The following MCF2L2 variants were observed in gnomAD, a reference collection of about 807,000 sequenced individuals.
The protein encoded by MCF2L2 is probable guanine nucleotide exchange factor MCF2L2.
Under a neutral mutation model 150.2 loss-of-function variants are expected in MCF2L2, and 102 were observed. The ratio of observed to expected loss-of-function variants is 0.68; its 90% CI spans 0.58 to 0.80. The LOEUF is 0.80. Among genes scored for constraint, MCF2L2 ranks in the 30% least tolerant of loss-of-function variants. The probability of loss-of-function intolerance (pLI) is 0.00; values close to 1 mark genes in which losing one functional copy is unlikely to be tolerated. For missense variants in MCF2L2, 1,256 were observed against 1,372.8 expected, an observed-to-expected ratio of 0.91 and a Z score of 1.34; for synonymous variants, 465 against 491.3, an observed-to-expected ratio of 0.95 and a Z score of 0.71.
rs1402363614 is a variant in MCF2L2 at position 183,295,377 on chromosome 3, G to A, written c.1598C>T (p.Pro533Leu). The A allele has an allele frequency of 1.7e-5, 28 of 1,613,956 alleles. No homozygotes were observed. The Admixed American group carries it at 4.5e-4, about 26-fold the overall frequency. Residue 533 changes from proline to leucine, a missense_variant, in exon 13 of 30, where the codon CCA (proline) becomes CTA (leucine). Pro to Leu is a moderately conservative substitution (Grantham distance 98). Coordinates refer to ENST00000328913, the MANE Select transcript of MCF2L2 (RefSeq NM_015078.4). ...LMKLAAKQTR[P>L]VQPVAPHPES... ...AGGATGTGGGGCCACAGGTTGCACT[G>A]GACGAGTCTGTTTGGCTGCCAGTTT...
intron 7 of MCF2L2, among the ~76,000 whole-genome samples, chr3:183,313,363 G>A (rs1392015870): frequency 6.6e-6 from 1 of 152,212 alleles, no homozygotes; most frequent in Non-Finnish European, 1.5e-5. Context: ...TGGGAAGAGG[G>A]ATACATCCAA....
At chr3:183,291,344 C>A (rs1395505033) in intron 13 of MCF2L2, among the ~76,000 whole-genome samples, 1 of 152,344 alleles carries the variant, frequency 6.6e-6, no homozygotes, top group East Asian at 1.9e-4. Flanking sequence ...CTGTACCTTA[C>A]CTTTTTCATC....
At chr3:183,328,789 T>C (rs142986072) in intron 5 of MCF2L2, among the ~76,000 whole-genome samples, 277 of 152,264 alleles carry the variant, frequency 1.8e-3, no homozygotes, top group African/African-American at 6.5e-3. Flanking sequence ...TATCAGACAG[T>C]GATTTATATC....
chr3:183,229,971 T>C (rs1723488348), intron 16 of MCF2L2, among the ~76,000 whole-genome samples, 190 bp from the exon 17 acceptor site: 1 of 152,216 alleles, frequency 6.6e-6, no homozygotes, highest in Non-Finnish European at 1.5e-5. Context: ...CAGAAGGAGA[T>C]GGCTTAATGG....
chr3:183,247,563 C>T (rs1724315426), intron 15 of MCF2L2, among the ~76,000 whole-genome samples: 1 of 152,188 alleles, frequency 6.6e-6, no homozygotes, highest in African/African-American at 2.4e-5. Flanking sequence ...ACTCGGTAAT[C>T]TTCAGTAAAG....
At chr3:183,240,673 A>G (rs1723980457) in intron 15 of MCF2L2, among the ~76,000 whole-genome samples, 1 of 152,164 alleles carries the variant, frequency 6.6e-6, no homozygotes, top group South Asian at 2.1e-4. Flanking sequence ...TACACATCAG[A>G]ATGGGGAGAG....
chr3:183,367,943 C>T (rs1240949173), intron 3 of MCF2L2, among the ~76,000 whole-genome samples: 2 of 152,150 alleles, frequency 1.3e-5, no homozygotes, highest in African/African-American at 2.4e-5. Flanking sequence ...GAGCTAACCA[C>T]CATTATATCA....
chr3:183,277,932 C>A (rs890538339), intron 14 of MCF2L2, among the ~76,000 whole-genome samples: 1 of 149,718 alleles, frequency 6.7e-6, no homozygotes, highest in African/African-American at 2.5e-5. Flanking sequence ...TGCCTGTAAT[C>A]CCAGCACTTT....
chr3:183,212,073 G>A (rs1244320721), intron 22 of MCF2L2, among the ~76,000 whole-genome samples: 2 of 152,122 alleles, frequency 1.3e-5, no homozygotes, highest in Non-Finnish European at 2.9e-5. Flanking sequence ...GCCATGCAAA[G>A]GCAGAGGCAG....
rs186805839 is a variant in MCF2L2, at chr3:183,215,789, A to T, written c.2496+180T>A. Among the ~76,000 whole-genome samples, 30 of 152,352 alleles carry T rather than the reference A, an allele frequency of 2.0e-4. No homozygotes were observed. In the East Asian group the frequency reaches 5.6e-3, roughly 28 times the overall value. ...AGGAATAAATCCAAGATTCCTGAAG[A>T]TGCCAAGGGACAGCTTGGAATCTTG... On this transcript the variant is annotated intron_variant, in intron 22 of 29. Coordinates refer to ENST00000328913, the MANE Select transcript of MCF2L2 (RefSeq NM_015078.4).
intron 1 of MCF2L2, among the ~76,000 whole-genome samples, chr3:183,402,034 ACTT>A (rs1714782058): frequency 6.6e-6 from 1 of 152,226 alleles, no homozygotes; most frequent in South Asian, 2.1e-4. Context: ...ACTAGAAAGC[ACTT>A]CAAGATTAGA....
intron 27 of MCF2L2, 66 bp from the exon 28 acceptor site, chr3:183,180,225 A>ACTGCCTGCTACACCCTGCCAT: frequency 9.9e-7 from 1 of 1,008,420 alleles, no homozygotes; most frequent in Non-Finnish European, 1.6e-6. Flanking sequence ...TGCCCATGGC[A>ACTGCCTGCTACACCCTGCCAT]GGGTGTAGCA....
intron 5 of MCF2L2, among the ~76,000 whole-genome samples, chr3:183,330,572 A>G (rs1730231864): frequency 6.6e-6 from 1 of 152,132 alleles, no homozygotes; most frequent in African/African-American, 2.4e-5. Context: ...CTGTATCTTT[A>G]TTGTGGTGAC....
At chr3:183,221,070 A>G (rs73884604) in intron 20 of MCF2L2, among the ~76,000 whole-genome samples, 2,478 of 152,276 alleles carry the variant, frequency 0.016, 65 homozygotes, top group African/African-American at 0.054. Context: ...GAGATGCAAA[A>G]TAAGCTCTGC....
chr3:183,288,541 G>C lies in MCF2L2; in HGVS notation c.1776+579C>G, dbSNP rs373063610. 1.9e-4 allele frequency among the ~76,000 whole-genome samples: 28 copies of C among 151,162 alleles called. No individual in the cohort carries two copies. In the East Asian group the frequency reaches 3.7e-3, roughly 20 times the overall value. On this transcript the variant is annotated intron_variant, in intron 14 of 29. Transcript: ENST00000328913. The stretch of plus-strand genomic sequence containing the variant: ...CTGTTGCCCAGGCTGGAGTACAGTG[G>C]CACAGTCTCTGCTCACTGTAACCTC...
intron 3 of MCF2L2, among the ~76,000 whole-genome samples, chr3:183,371,230 T>C (rs1377361940): frequency 2.6e-5 from 4 of 152,182 alleles, no homozygotes; most frequent in Non-Finnish European, 5.9e-5. Flanking sequence ...TATTTTGCCA[T>C]GGGTAAGGTC....
At chr3:183,277,552 T>C (rs1010548119) in intron 14 of MCF2L2, among the ~76,000 whole-genome samples, 2 of 151,858 alleles carry the variant, frequency 1.3e-5, no homozygotes, top group Non-Finnish European at 2.9e-5. Flanking sequence ...GTAAGCCCAG[T>C]GTAGGCTTTC....
chr3:183,416,477 T>C (rs968243390), intron 1 of MCF2L2, among the ~76,000 whole-genome samples: 1 of 152,218 alleles, frequency 6.6e-6, no homozygotes, highest in African/African-American at 2.4e-5. Context: ...CAGTACATTA[T>C]ATGCAGACAT....
intron 25 of MCF2L2, among the ~76,000 whole-genome samples, chr3:183,199,400 C>T (rs73886267): frequency 0.012 from 1,866 of 152,236 alleles, 30 homozygotes; most frequent in African/African-American, 0.043. Flanking sequence ...ATTGATAAAG[C>T]TCGCTGTGGA....
Sources: allele counts gnomAD v4.1 joint callset (sites outside exome capture counted in the v4.1 genomes callset), GRCh38; gene constraint gnomAD v4.1.1; transcripts MANE v1.5; gene names NCBI Gene and HGNC (gene_info 2026-07-23, HGNC 2026-07-21).